Variants in CPPED1 observed in about 807,000 individuals in gnomAD.
CPPED1 encodes the protein calcineurin like phosphoesterase domain containing 1, also known as serine/threonine-protein phosphatase CPPED1.
A neutral mutation model predicts 28.0 loss-of-function variants in CPPED1; 28 were observed. That is an observed-to-expected ratio of 1.00 (90% CI 0.74 to 1.37). CPPED1 has a LOEUF of 1.37. Among genes scored for constraint, CPPED1 ranks in the 40% most tolerant of loss-of-function variants. The pLI, the probability that CPPED1 is intolerant of heterozygous loss-of-function variation, is 0.00. For missense variants in CPPED1, 504 were observed against 416.5 expected, an observed-to-expected ratio of 1.21 and a Z score of -1.83; for synonymous variants, 198 against 180.2, an observed-to-expected ratio of 1.10 and a Z score of -0.79.
chr16:12,789,345 A>T (rs897046662), intron 1 of CPPED1, among the ~76,000 whole-genome samples: 8 of 152,192 alleles, frequency 5.3e-5, no homozygotes, highest in African/African-American at 1.9e-4. Flanking sequence ...AGGAAAATAC[A>T]TTGACTGAAA....
chr16:12,763,341 G>C (rs2080421009), intron 2 of CPPED1, among the ~76,000 whole-genome samples: 1 of 152,128 alleles, frequency 6.6e-6, no homozygotes, highest in Non-Finnish European at 1.5e-5. Context: ...AAAGTGCTGG[G>C]ATTACAGGCA....
intron 2 of CPPED1, among the ~76,000 whole-genome samples, chr16:12,726,291 C>T (rs927257341): frequency 7.3e-5 from 11 of 150,768 alleles, no homozygotes; most frequent in Non-Finnish European, 1.3e-4. Context: ...TTGCCCGCCT[C>T]AGCCTCCCAA....
intron 2 of CPPED1, among the ~76,000 whole-genome samples, chr16:12,775,273 T>G (rs1350641057): frequency 6.6e-6 from 1 of 152,142 alleles, no homozygotes; most frequent in Non-Finnish European, 1.5e-5. Flanking sequence ...CTTCTCAGCC[T>G]CCATAACTGA....
intron 3 of CPPED1, 63 bp downstream of exon 3, chr16:12,704,561 A>G (rs2080037571): frequency 6.7e-7 from 1 of 1,493,678 alleles, no homozygotes; most frequent in Non-Finnish European, 9.1e-7. Context: ...CGGGAGAAAG[A>G]TCTGGAAATG....
Position 12,683,453 on chromosome 16 carries a change from C to T in CPPED1, c.716-18338G>A, listed in dbSNP as rs184599312. Among the ~76,000 whole-genome samples the T allele has an allele frequency of 1.3e-5, 2 of 152,288 alleles. 1 individual carries two copies. The highest frequency in any genetic ancestry group is 3.9e-4 in the East Asian group (2 of 5,192). ...CTGTTATAACCTGAACCAACTCCAC[C>T]TGCCAAAAATTCAGAATCATTTCCC... On this transcript the variant is annotated intron_variant, in intron 3 of 3. Transcript: ENST00000381774.
intron 1 of CPPED1, among the ~76,000 whole-genome samples, chr16:12,796,078 G>C (rs1036581284): frequency 6.7e-6 from 1 of 148,200 alleles, no homozygotes; most frequent in Non-Finnish European, 1.5e-5. Context: ...GCAAGACTTT[G>C]TCTTAAAAAA....
At chr16:12,756,458 G>A (rs1357020355) in intron 2 of CPPED1, among the ~76,000 whole-genome samples, 1 of 152,166 alleles carries the variant, frequency 6.6e-6, no homozygotes, top group East Asian at 1.9e-4. Flanking sequence ...ATTCTGTGAG[G>A]CTGAGGAGGG....
At chr16:12,785,584 C>CA (rs1172382685) in intron 1 of CPPED1, among the ~76,000 whole-genome samples, 1 of 152,050 alleles carries the variant, frequency 6.6e-6, no homozygotes, top group Non-Finnish European at 1.5e-5. Flanking sequence ...TGCAGCACCA[C>CA]ACCTGATTAA....
chr16:12,751,794 T>C (rs1596471420), intron 2 of CPPED1, among the ~76,000 whole-genome samples: 1 of 152,360 alleles, frequency 6.6e-6, no homozygotes, highest in East Asian at 1.9e-4. Context: ...GTATGCGTTA[T>C]ATTAATCTTT....
chr16:12,728,015 A>G (rs1484420426), intron 2 of CPPED1, among the ~76,000 whole-genome samples: 2 of 152,198 alleles, frequency 1.3e-5, no homozygotes, highest in East Asian at 3.8e-4. Context: ...TTAATTCACA[A>G]TGCAGATGAA....
chr16:12,683,147 C>T (rs553744648), intron 3 of CPPED1, among the ~76,000 whole-genome samples: 1 of 152,220 alleles, frequency 6.6e-6, no homozygotes, highest in African/African-American at 2.4e-5. Context: ...GGGGGTACTG[C>T]ATCCATCAAA....
chr16:12,686,643 A>C (rs2079934927), intron 3 of CPPED1, among the ~76,000 whole-genome samples: 1 of 152,118 alleles, frequency 6.6e-6, no homozygotes, highest in South Asian at 2.1e-4. Flanking sequence ...AGAGGGGAGG[A>C]TGCTGGGATG....
intron 3 of CPPED1, among the ~76,000 whole-genome samples, chr16:12,681,609 G>A (rs995464148): frequency 2.0e-5 from 3 of 152,150 alleles, no homozygotes; most frequent in Admixed American, 1.3e-4. Context: ...AAGAATGTGG[G>A]AGATGGGGAT....
chr16:12,712,723 T>C (rs2080086645), intron 2 of CPPED1, among the ~76,000 whole-genome samples: 1 of 152,132 alleles, frequency 6.6e-6, no homozygotes, highest in Admixed American at 6.6e-5. Context: ...TTATTAGAGC[T>C]AGTAGTACGA....
chr16:12,716,067 G>A (rs772804968), intron 2 of CPPED1, among the ~76,000 whole-genome samples: 15 of 152,268 alleles, frequency 9.9e-5, no homozygotes, highest in Middle Eastern at 3.4e-3. Context: ...CTATGATACC[G>A]GGCACAGAAA....
At chr16:12,703,370 C>A (rs1231947590) in intron 3 of CPPED1, among the ~76,000 whole-genome samples, 2 of 152,252 alleles carry the variant, frequency 1.3e-5, no homozygotes, top group Non-Finnish European at 2.9e-5. Context: ...AAATCCGTTA[C>A]TCTCTCCGGA....
chr16:12,789,494 A>G (rs2080583663), intron 1 of CPPED1, among the ~76,000 whole-genome samples: 1 of 152,168 alleles, frequency 6.6e-6, no homozygotes, highest in Non-Finnish European at 1.5e-5. Context: ...CTAGCCAAAC[A>G]ACAAGCCAGG....
intron 2 of CPPED1, among the ~76,000 whole-genome samples, chr16:12,726,844 G>C (rs920956904): frequency 6.6e-6 from 1 of 152,022 alleles, no homozygotes; most frequent in African/African-American, 2.4e-5. Flanking sequence ...TAAAAATAAA[G>C]CAGCAATAGT....
chr16:12,669,447 T>C (rs1281856358), intron 3 of CPPED1, among the ~76,000 whole-genome samples: 3 of 152,142 alleles, frequency 2.0e-5, no homozygotes, highest in Non-Finnish European at 2.9e-5. Flanking sequence ...AACGACTAAA[T>C]TTGATACTTC....
Sources: gnomAD v4.1 joint callset for allele counts (sites outside exome capture counted in the v4.1 genomes callset) on GRCh38, gnomAD v4.1.1 for gene constraint, MANE v1.5 for transcripts, NCBI Gene and HGNC (gene_info 2026-07-23, HGNC 2026-07-21) for gene names.